Variants in IFT80 observed in about 807,000 individuals in gnomAD.
IFT80 encodes intraflagellar transport protein 80 homolog.
A neutral mutation model predicts 107.9 loss-of-function variants in IFT80; 79 were observed. That is an observed-to-expected ratio of 0.73 (90% CI 0.61 to 0.88). IFT80 has a LOEUF of 0.88. Among genes scored for constraint, IFT80 ranks in the 40% least tolerant of loss-of-function variants. IFT80 has a pLI of 0.00. For synonymous variants in IFT80, 299 were observed against 300.9 expected (o/e 0.99, Z 0.07); for missense variants, 797 against 914.2 (o/e 0.87, Z 1.65).
intron 1 of IFT80, among the ~76,000 whole-genome samples, chr3:160,391,916 T>C (rs1259351851): frequency 6.6e-6 from 1 of 152,196 alleles, no homozygotes; most frequent in Non-Finnish European, 1.5e-5. Context: ...ATGCAGGGAA[T>C]TATCTTGAAT....
chr3:160,392,404 T>A (rs977897313), intron 1 of IFT80, among the ~76,000 whole-genome samples: 1 of 152,172 alleles, frequency 6.6e-6, no homozygotes, highest in Non-Finnish European at 1.5e-5. Context: ...TTTATATCTA[T>A]TTGACAACTC....
At chr3:160,308,812 C>G (rs1717016919) in intron 9 of IFT80, among the ~76,000 whole-genome samples, 1 of 152,050 alleles carries the variant, frequency 6.6e-6, no homozygotes, top group African/African-American at 2.4e-5. Flanking sequence ...ACCTAATCAC[C>G]AACATGACAG....
intron 12 of IFT80, among the ~76,000 whole-genome samples, chr3:160,300,041 T>C (rs1401481278): frequency 6.6e-6 from 1 of 152,158 alleles, no homozygotes. Flanking sequence ...CATGGCCTTC[T>C]GGCAGTTCCT....
intron 5 of IFT80, among the ~76,000 whole-genome samples, chr3:160,374,494 T>C (rs2071524973): frequency 6.6e-6 from 1 of 151,632 alleles, no homozygotes; most frequent in African/African-American, 2.4e-5. Flanking sequence ...TCTCTGAAGA[T>C]CTGTGTCATC....
intron 8 of IFT80, among the ~76,000 whole-genome samples, chr3:160,339,484 TAA>T (rs1376162434): frequency 1.3e-5 from 2 of 152,302 alleles, no homozygotes; most frequent in Non-Finnish European, 2.9e-5. Context: ...CTCCAAAATA[TAA>T]GTTTATCCTG....
chr3:160,396,594 A>G (rs972528161), intron 1 of IFT80, among the ~76,000 whole-genome samples: 2 of 152,260 alleles, frequency 1.3e-5, no homozygotes, highest in Middle Eastern at 6.8e-3. Context: ...TTTCTAATGT[A>G]AAAAGTGAGG....
chr3:160,258,484 G>T lies in IFT80; in HGVS notation c.*41C>A. 6.2e-7 allele frequency: 1 copy of T among 1,612,190 alleles called. No individual in the cohort carries two copies. Among genetic ancestry groups the T allele is most frequent in the Non-Finnish European group, 8.5e-7 (1 of 1,179,500 alleles). ...ATGCTTACCCTTGGTTAATCAGAAC[G>T]TGTTTCAAAAGATAAAATTTCTTAA... On this transcript the variant is annotated 3_prime_UTR_variant, in exon 20 of 20. Transcript: ENST00000326448.
At chr3:160,343,810 T>A (rs1203362915) in intron 8 of IFT80, 2 of 319,038 alleles carry the variant, frequency 6.3e-6, no homozygotes, top group Admixed American at 7.6e-5. Flanking sequence ...TCTGATGGAA[T>A]AAAAACTGTC....
intron 6 of IFT80, among the ~76,000 whole-genome samples, chr3:160,359,810 T>G (rs1721366597): frequency 6.6e-6 from 1 of 152,082 alleles, no homozygotes; most frequent in African/African-American, 2.4e-5. Flanking sequence ...AGCATCAACA[T>G]CAACAAAAAG....
intron 9 of IFT80, among the ~76,000 whole-genome samples, chr3:160,315,956 G>A (rs1717785454): frequency 1.3e-5 from 2 of 152,086 alleles, no homozygotes; most frequent in Admixed American, 6.6e-5. Flanking sequence ...ATGAATAAAG[G>A]AAGCTTGTAA....
rs139968030 is a variant in IFT80, at chr3:160,261,891, C to T, written c.2224-3256G>A. 6.3e-3 allele frequency among the ~76,000 whole-genome samples: 954 copies of T among 151,918 alleles called. 2 individuals carry two copies. The highest frequency in any genetic ancestry group is 0.01 in the Middle Eastern group (3 of 292). ...GGGCATGGTGACATGCAGAAGTACA[C>T]GGACGGCCCTGGAATAAGAGCCTTC... On this transcript the variant is annotated intron_variant, in intron 19 of 19. Transcript: ENST00000326448.
chr3:160,280,919 G>A, intron 14 of IFT80, 105 bp from the exon 15 acceptor site: 1 of 945,834 alleles, frequency 1.1e-6, no homozygotes, highest in South Asian at 1.4e-5. Flanking sequence ...ATTTCTGGTA[G>A]ATATGACTCT....
At chr3:160,259,197 A>T (rs989109723) in intron 19 of IFT80, among the ~76,000 whole-genome samples, 1 of 152,220 alleles carries the variant, frequency 6.6e-6, no homozygotes, top group Non-Finnish European at 1.5e-5. Flanking sequence ...TAAAAAGCAA[A>T]GACTCTCATT....
chr3:160,341,682 C>T (rs1719908911), intron 8 of IFT80, among the ~76,000 whole-genome samples: 1 of 152,214 alleles, frequency 6.6e-6, no homozygotes, highest in Non-Finnish European at 1.5e-5. Context: ...GAGTTGTTAA[C>T]ACTGGTCACT....
intron 18 of IFT80, among the ~76,000 whole-genome samples, chr3:160,272,726 T>G (rs1289089385): frequency 6.6e-6 from 1 of 152,136 alleles, no homozygotes; most frequent in African/African-American, 2.4e-5. Context: ...TTCCCCTCAA[T>G]GTCTAGGATC....
At position 160,313,101 on chromosome 3, in the gene IFT80, A is replaced by T. The variant is rs867823304; in HGVS notation, c.958-5320T>A. On this transcript the variant is annotated intron_variant, in intron 9 of 19. Transcript: ENST00000326448. ...TTTATATAATATATATTTTATATATATTTTTTATATATATTTAAATCTTTT... is the reference window on the plus strand; with the variant it reads ...TTTATATAATATATATTTTATATATTTTTTTTATATATATTTAAATCTTTT... Among the ~76,000 whole-genome samples, 462 of 114,608 alleles carry T rather than the reference A, an allele frequency of 4.0e-3. 1 individual carries two copies. The highest frequency in any genetic ancestry group is 6.3e-3 in the Non-Finnish European group (371 of 59,046). The allele number at this position is 114,608 out of a possible 152,430, so 75.2% of individuals were successfully genotyped here.
At chr3:160,339,574 C>A (rs2108331407) in intron 8 of IFT80, among the ~76,000 whole-genome samples, 1 of 152,246 alleles carries the variant, frequency 6.6e-6, no homozygotes, top group East Asian at 1.9e-4. Flanking sequence ...TAATTCTATA[C>A]AGCAAATTGC....
chr3:160,313,042 AAT>A (rs1491213213), intron 9 of IFT80, among the ~76,000 whole-genome samples: 1 of 92,344 alleles, frequency 1.1e-5, no homozygotes, highest in Non-Finnish European at 2.0e-5. Flanking sequence ...ATAAATATAT[AAT>A]ATATAATAAA....
At chr3:160,352,092 T>G (rs1720751509) in intron 8 of IFT80, among the ~76,000 whole-genome samples, 1 of 151,886 alleles carries the variant, frequency 6.6e-6, no homozygotes, top group Admixed American at 6.6e-5. Context: ...CTTGGCTCAC[T>G]GCAAGCTCTG....
Sources: allele counts gnomAD v4.1 joint callset (sites outside exome capture counted in the v4.1 genomes callset), GRCh38; gene constraint gnomAD v4.1.1; transcripts MANE v1.5; gene names NCBI Gene and HGNC (gene_info 2026-07-23, HGNC 2026-07-21).